HEATR5B: variants seen among roughly 807,000 people sequenced by gnomAD.
The protein encoded by HEATR5B is HEAT repeat-containing protein 5B.
In HEATR5B, 156 loss-of-function variants were observed where a neutral mutation model predicts 224.1. The observed-to-expected ratio is 0.70, with a 90% confidence interval of 0.61 to 0.80. The LOEUF is 0.80. Among genes scored for constraint, HEATR5B ranks in the 30% least tolerant of loss-of-function variants. The pLI is 0.00. For missense variants in HEATR5B, 2,323 were observed against 2,535.5 expected, an observed-to-expected ratio of 0.92 and a Z score of 1.80; for synonymous variants, 1,027 against 893.0, an observed-to-expected ratio of 1.15 and a Z score of -2.68.
rs759898262 is a variant in HEATR5B at position 36,988,842 on chromosome 2, G to A, written c.5715C>T (p.Tyr1905=). 6.2e-7 allele frequency: 1 copy of A among 1,613,902 alleles called. No individual in the cohort carries two copies. The highest frequency in any genetic ancestry group is 8.5e-7 in the Non-Finnish European group (1 of 1,179,852). The change falls in exon 35 of 36, where the codon TAC becomes TAT. Residue 1905 remains tyrosine (Y), a synonymous_variant. Transcript: ENST00000233099. ...GCTGGAAGACTGAGAGGAGAAGCTG[G>A]TAACATTTGGCTTGAACCTATATAA... ...SCDPWVQAKC[Y]QLLLSVFQHS...
intron 24 of HEATR5B, among the ~76,000 whole-genome samples, chr2:37,024,806 T>C (rs1047076941): frequency 2.6e-5 from 4 of 152,208 alleles, no homozygotes; most frequent in Non-Finnish European, 2.9e-5. Flanking sequence ...ATCTAGGTAA[T>C]TGTTTCTGGA....
intron 34 of HEATR5B, among the ~76,000 whole-genome samples, chr2:36,989,404 G>A (rs1666171245): frequency 6.6e-6 from 1 of 152,088 alleles, no homozygotes; most frequent in African/African-American, 2.4e-5. Context: ...TTTTAATACT[G>A]TGAAATAAGT....
chr2:37,005,816 T>G, intron 29 of HEATR5B, 57 bp from the exon 30 acceptor site: 2 of 1,340,026 alleles, frequency 1.5e-6, no homozygotes, highest in South Asian at 2.9e-5. Context: ...TTATGTTGTT[T>G]GATCCCATAT....
chr2:37,003,797 A>G (rs1667244203), intron 30 of HEATR5B, 111 bp from the exon 31 acceptor site: 2 of 670,954 alleles, frequency 3.0e-6, no homozygotes, highest in South Asian at 6.3e-5. Context: ...AGGTAGCTAA[A>G]ATTAAAATAT....
chr2:37,012,174 G>A (rs999483467), intron 27 of HEATR5B, among the ~76,000 whole-genome samples: 1 of 151,926 alleles, frequency 6.6e-6, no homozygotes, highest in Non-Finnish European at 1.5e-5. Context: ...ATATAAACAC[G>A]CTCAGTTTTT....
chr2:37,049,559 G>A (rs1670407624), intron 18 of HEATR5B, 94 bp downstream of exon 18: 4 of 1,079,254 alleles, frequency 3.7e-6, no homozygotes, highest in South Asian at 1.4e-5. Context: ...ATCACATGCT[G>A]TATACCATGT....
chr2:37,002,368 G>C lies in HEATR5B; in HGVS notation c.5255C>G (p.Ala1752Gly), dbSNP rs772224862. 16 of 1,614,104 alleles carry C rather than the reference G, an allele frequency of 9.9e-6. No homozygotes were observed. Among genetic ancestry groups the C allele is most frequent in the Admixed American group, 5.0e-5 (3 of 60,004 alleles). Residue 1752 changes from alanine (A) to glycine (G), a missense_variant, in exon 32 of 36, where the codon GCT (alanine) becomes GGT (glycine). Physicochemically the swap from Ala to Gly is moderately conservative, Grantham distance 60. This residue lies in a region of HEATR5B where 844 missense variants were observed against 812.9 expected (regional missense o/e 1.04). Coordinates refer to ENST00000233099, the MANE Select transcript of HEATR5B (RefSeq NM_019024.3). ...ATKTRLSEESARLVAATVTIL... is the reference protein window; with the variant it reads ...ATKTRLSEESGRLVAATVTIL... ...GGTAACTGTGGCTGCCACCAAACGA[G>C]CACTTTCTTCTGATAGTCGAGTTTT...
chr2:37,053,335 C>T (rs778599322), intron 17 of HEATR5B, among the ~76,000 whole-genome samples, 167 bp downstream of exon 17: 2 of 152,176 alleles, frequency 1.3e-5, no homozygotes, highest in Non-Finnish European at 2.9e-5. Flanking sequence ...ATTTATTTAA[C>T]TACACTGAGC....
intron 3 of HEATR5B, among the ~76,000 whole-genome samples, chr2:37,077,957 A>G (rs77689211): frequency 0.036 from 5,433 of 152,348 alleles, 128 homozygotes; most frequent in Non-Finnish European, 0.053. Flanking sequence ...CAGGAGCAAG[A>G]AATGACCCCA....
rs1410857931 is a variant in HEATR5B, at chr2:37,019,891, T to C, written c.4036-14A>G. ...AGCAGCTCCCACCTAGAAAAATAAATAAAGCATTTTATTTTTTACTTTTAT... is the reference window on the plus strand; with the variant it reads ...AGCAGCTCCCACCTAGAAAAATAAACAAAGCATTTTATTTTTTACTTTTAT... On this transcript the variant is annotated splice_polypyrimidine_tract_variant and intron_variant, in intron 25 of 35. Coordinates refer to ENST00000233099, the MANE Select transcript of HEATR5B (RefSeq NM_019024.3). 1 of 1,561,566 alleles carries C rather than the reference T, an allele frequency of 6.4e-7. No homozygotes were observed. Among genetic ancestry groups the C allele is most frequent in the South Asian group, 1.1e-5 (1 of 90,054 alleles).
chr2:37,061,164 C>T (rs890265270), intron 11 of HEATR5B, among the ~76,000 whole-genome samples: 1 of 151,918 alleles, frequency 6.6e-6, no homozygotes, highest in African/African-American at 2.4e-5. Context: ...ATACATATTC[C>T]TTAGTTTTGG....
At position 37,036,758 on chromosome 2, in the gene HEATR5B, C is replaced by A. The variant is rs545498735; in HGVS notation, c.3216+1097G>T. ...AACTCCTGACCTCAGGTGATCCCCC[C>A]GCCTTGGCCTCTCAAAGTGCTGGGA... On this transcript the variant is annotated intron_variant, in intron 21 of 35. Coordinates refer to ENST00000233099, the MANE Select transcript of HEATR5B (RefSeq NM_019024.3). Among the ~76,000 whole-genome samples, 4 of 151,950 alleles carry A rather than the reference C, an allele frequency of 2.6e-5. No individual in the cohort carries two copies. In the East Asian group the frequency reaches 5.8e-4, roughly 22 times the overall value.
At chr2:37,080,556 G>A (rs1672492101) in intron 2 of HEATR5B, among the ~76,000 whole-genome samples, 1 of 152,100 alleles carries the variant, frequency 6.6e-6, no homozygotes, top group South Asian at 2.1e-4. Flanking sequence ...TTTCCCTTGA[G>A]CAACTAGAAG....
chr2:36,990,003 G>A (rs1202846793), intron 34 of HEATR5B, among the ~76,000 whole-genome samples: 1 of 140,950 alleles, frequency 7.1e-6, no homozygotes, highest in Non-Finnish European at 1.5e-5. Flanking sequence ...CTGGGTTCAA[G>A]TGATTCTCCT....
At chr2:37,053,638 G>C (rs1385471425) in intron 16 of HEATR5B, 31 bp from the exon 17 acceptor site, 1 of 1,396,696 alleles carries the variant, frequency 7.2e-7, no homozygotes, top group Admixed American at 1.8e-5. Context: ...AATCACATTA[G>C]TGACAAATTT....
chr2:37,012,829 T>A (rs1345517898), intron 27 of HEATR5B, among the ~76,000 whole-genome samples: 1 of 152,232 alleles, frequency 6.6e-6, no homozygotes, highest in Non-Finnish European at 1.5e-5. Context: ...TGTTTCAATG[T>A]AAACATCACT....
chr2:36,989,685 T>C (rs1558694570), intron 34 of HEATR5B, among the ~76,000 whole-genome samples: 1 of 151,744 alleles, frequency 6.6e-6, no homozygotes, highest in Admixed American at 6.6e-5. Context: ...TTTAAAAAAA[T>C]GAAGGAAGGA....
At chr2:37,037,803 G>T in intron 21 of HEATR5B, 52 bp downstream of exon 21, 1 of 1,334,972 alleles carries the variant, frequency 7.5e-7, no homozygotes, top group Middle Eastern at 2.8e-4. Flanking sequence ...TTTTTTAAAT[G>T]TAAAATAAAA....
chr2:37,051,439 C>T (rs1322378696), intron 17 of HEATR5B, among the ~76,000 whole-genome samples: 3 of 150,760 alleles, frequency 2.0e-5, no homozygotes, highest in Non-Finnish European at 3.0e-5. Context: ...TTAAATGTCA[C>T]TCTCTTTGTT....
Sources: allele counts gnomAD v4.1 joint callset (sites outside exome capture counted in the v4.1 genomes callset), GRCh38; gene constraint gnomAD v4.1.1; regional missense constraint gnomAD v4.1.1; transcripts MANE v1.5; gene names NCBI Gene and HGNC (gene_info 2026-07-23, HGNC 2026-07-21).